The following HDAC9 variants were observed in gnomAD, a reference collection of about 807,000 sequenced individuals.
The protein encoded by HDAC9 is histone deacetylase 9.
Under a neutral mutation model 139.4 loss-of-function variants are expected in HDAC9, and 41 were observed. The ratio of observed to expected loss-of-function variants is 0.29; its 90% confidence interval spans 0.23 to 0.38. The LOEUF (loss-of-function observed/expected upper bound fraction) is 0.38. Ranked by LOEUF, HDAC9 falls within the 10% of genes least tolerant of loss-of-function variation. The pLI is 1.00. For synonymous variants in HDAC9, 517 were observed against 476.2 expected (o/e 1.09, Z -1.12); for missense variants, 1,147 against 1,297.0 (o/e 0.88, Z 1.78).
intron 2 of HDAC9, among the ~76,000 whole-genome samples, chr7:18,172,337 T>C (rs921117468): frequency 2.0e-5 from 3 of 152,198 alleles, no homozygotes; most frequent in African/African-American, 7.2e-5. Flanking sequence ...GATTCTTCTC[T>C]CTTTCCTTCT....
At chr7:18,319,849 T>C (rs1799907105) in intron 1 of HDAC9, among the ~76,000 whole-genome samples, 1 of 152,228 alleles carries the variant, frequency 6.6e-6, no homozygotes, top group Admixed American at 6.5e-5. Context: ...ACAACATTCA[T>C]CCAGTATTTT....
At chr7:18,352,567 T>C (rs1020082836) in intron 1 of HDAC9, among the ~76,000 whole-genome samples, 1 of 152,140 alleles carries the variant, frequency 6.6e-6, no homozygotes, top group Non-Finnish European at 1.5e-5. Context: ...TTTCCAGAAG[T>C]TCATTTCAAA....
intron 2 of HDAC9, among the ~76,000 whole-genome samples, chr7:18,251,350 C>T (rs1218584341): frequency 6.6e-6 from 1 of 151,702 alleles, no homozygotes; most frequent in Non-Finnish European, 1.5e-5. Context: ...CACACTGGGG[C>T]CTGTTGGAGA....
intron 13 of HDAC9, among the ~76,000 whole-genome samples, chr7:18,745,883 CT>C (rs752292349): frequency 0.031 from 3,060 of 99,426 alleles, 12 homozygotes; most frequent in African/African-American, 0.07. Flanking sequence ...TCTTCTTCTT[CT>C]TTTTTTTTTT....
intron 17 of HDAC9, among the ~76,000 whole-genome samples, chr7:18,795,441 C>G (rs946885652): frequency 6.6e-6 from 1 of 152,032 alleles, no homozygotes; most frequent in East Asian, 1.9e-4. Flanking sequence ...ATCCATGGCA[C>G]TGGCATTTTG....
At chr7:18,780,483 G>A (rs1791155420) in intron 16 of HDAC9, among the ~76,000 whole-genome samples, 1 of 151,924 alleles carries the variant, frequency 6.6e-6, no homozygotes, top group African/African-American at 2.4e-5. Context: ...CCAGGGCACT[G>A]GGGACATCAC....
intron 1 of HDAC9, among the ~76,000 whole-genome samples, chr7:18,106,603 C>T (rs1369827156): frequency 6.6e-6 from 1 of 152,154 alleles, no homozygotes; most frequent in African/African-American, 2.4e-5. Flanking sequence ...CAGGCACACT[C>T]TACGACACCT....
intron 8 of HDAC9, among the ~76,000 whole-genome samples, chr7:18,637,279 A>G (rs141152068): frequency 2.0e-5 from 3 of 152,244 alleles, no homozygotes; most frequent in African/African-American, 7.2e-5. Flanking sequence ...ATATTCCTTC[A>G]TTGTAAATAC....
chr7:18,629,526 GAA>G, intron 7 of HDAC9, 45 bp downstream of exon 7: 1 of 1,496,716 alleles, frequency 6.7e-7, no homozygotes, highest in Non-Finnish European at 9.0e-7. Flanking sequence ...GAGTAGGAAT[GAA>G]AAAAAAATAG....
chr7:18,623,147 A>G (rs200470555), intron 6 of HDAC9, among the ~76,000 whole-genome samples: 2 of 26,628 alleles, frequency 7.5e-5, no homozygotes, highest in Non-Finnish European at 1.0e-4. Context: ...CGGTCTCTGG[A>G]AAAAAAAAAA....
intron 2 of HDAC9, among the ~76,000 whole-genome samples, chr7:18,219,042 A>T (rs1792506576): frequency 6.6e-6 from 1 of 152,156 alleles, no homozygotes; most frequent in Non-Finnish European, 1.5e-5. Flanking sequence ...AATGATGCCT[A>T]ACTTCTTATG....
chr7:18,138,527 G>GGTGTGTGT (rs71014309), intron 1 of HDAC9, among the ~76,000 whole-genome samples: 2,987 of 142,610 alleles, frequency 0.021, 54 homozygotes, highest in Non-Finnish European at 0.024. Flanking sequence ...GAGAGAGAGA[G>GGTGTGTGT]GTGTGTGTGT....
rs1786781733 is a variant in HDAC9 at position 19,002,147 on chromosome 7, G to T, written c.*6085G>T. The stretch of plus-strand genomic sequence containing the variant: ...CTTTTCTTAAAATTGTGCTGCCAGT[G>T]GTATTTTCCCAGATGTGAAAAATAA... On this transcript the variant is annotated 3_prime_UTR_variant, in exon 26 of 26. Coordinates refer to ENST00000686413, the MANE Select transcript of HDAC9 (RefSeq NM_178425.4). 6.6e-6 allele frequency: 1 copy of T among 151,806 alleles called. No homozygotes were observed. The highest frequency in any genetic ancestry group is 6.6e-5 in the Admixed American group (1 of 15,248). The allele number at this position is 151,806 out of a possible 1,614,324, so 9.4% of individuals were successfully genotyped here.
At chr7:18,840,126 A>C (rs1796493652) in intron 21 of HDAC9, among the ~76,000 whole-genome samples, 1 of 152,114 alleles carries the variant, frequency 6.6e-6, no homozygotes, top group African/African-American at 2.4e-5. Context: ...CAAGAAAAGA[A>C]ATATAAGCCC....
intron 23 of HDAC9, among the ~76,000 whole-genome samples, chr7:18,940,903 T>G (rs1781981139): frequency 6.6e-6 from 1 of 151,982 alleles, no homozygotes; most frequent in Non-Finnish European, 1.5e-5. Context: ...GGAGAGGACA[T>G]GTAGTAGTAG....
chr7:18,345,611 T>G (rs1782352530), intron 1 of HDAC9, among the ~76,000 whole-genome samples: 1 of 152,014 alleles, frequency 6.6e-6, no homozygotes, highest in Non-Finnish European at 1.5e-5. Context: ...AAGGACAATT[T>G]TTTGCCCTTT....
chr7:18,708,067 C>A (rs1051190023), intron 12 of HDAC9, among the ~76,000 whole-genome samples: 1 of 152,036 alleles, frequency 6.6e-6, no homozygotes, highest in Non-Finnish European at 1.5e-5. Context: ...TTAGCCTTGG[C>A]TAAGAGGAGA....
intron 2 of HDAC9, among the ~76,000 whole-genome samples, chr7:18,554,327 C>CACTT (rs1818091512): frequency 6.9e-5 from 4 of 58,284 alleles, no homozygotes; most frequent in Admixed American, 2.9e-4. Flanking sequence ...TTACAGATCA[C>CACTT]TTTTTTTTTT....
chr7:18,980,658 TTTCTTGTTCTTCTTG>T (rs138628448), intron 25 of HDAC9, among the ~76,000 whole-genome samples: 28,836 of 134,530 alleles, frequency 0.21, 4,370 homozygotes, highest in East Asian at 0.45. Context: ...TGTTACACTT[TTTCTTGTTCTTCTTG>T]TTCTTGTTCT....
Sources: allele counts gnomAD v4.1 joint callset (sites outside exome capture counted in the v4.1 genomes callset), GRCh38; gene constraint gnomAD v4.1.1; transcripts MANE v1.5; gene names NCBI Gene and HGNC (gene_info 2026-07-23, HGNC 2026-07-21).